Variants in RGS7 observed in about 807,000 individuals in gnomAD.
The protein encoded by RGS7 is regulator of G protein signaling 7.
A neutral mutation model predicts 81.1 loss-of-function variants in RGS7; 27 were observed. The ratio of observed to expected loss-of-function variants is 0.33; its 90% CI spans 0.25 to 0.46. The LOEUF (loss-of-function observed/expected upper bound fraction) is 0.46. Ranked by LOEUF, RGS7 falls within the 20% of genes least tolerant of loss-of-function variation. RGS7 has a pLI of 1.00. For synonymous variants in RGS7, 208 were observed against 207.7 expected, an observed-to-expected ratio of 1.00 and a Z score of -0.01; for missense variants, 396 against 607.4, an observed-to-expected ratio of 0.65 and a Z score of 3.66.
chr1:241,303,716 G>C (rs2079912135), intron 2 of RGS7, among the ~76,000 whole-genome samples: 1 of 151,874 alleles, frequency 6.6e-6, no homozygotes, highest in South Asian at 2.1e-4. Flanking sequence ...CTTTTTTCTG[G>C]CATTTGTTTT....
At chr1:241,232,037 TG>T (rs2075690417) in intron 2 of RGS7, among the ~76,000 whole-genome samples, 1 of 152,224 alleles carries the variant, frequency 6.6e-6, no homozygotes. Context: ...CGCTGCTTTT[TG>T]TATGGATATA....
At chr1:240,841,158 G>A (rs1046778933) in intron 9 of RGS7, among the ~76,000 whole-genome samples, 5 of 152,208 alleles carry the variant, frequency 3.3e-5, no homozygotes, top group African/African-American at 1.2e-4. Context: ...CCCATCAGTT[G>A]ATAAGTGTAA....
At chr1:241,338,496 A>G (rs2082362885) in intron 2 of RGS7, among the ~76,000 whole-genome samples, 1 of 152,166 alleles carries the variant, frequency 6.6e-6, no homozygotes, top group Non-Finnish European at 1.5e-5. Context: ...CAGGGTAAGA[A>G]AATAAGCTCA....
chr1:240,920,291 C>A, intron 6 of RGS7: 1 of 1,369,404 alleles, frequency 7.3e-7, no homozygotes, highest in Non-Finnish European at 1.0e-6. Flanking sequence ...GTGGGAATGA[C>A]AACTTTGGTC....
chr1:240,859,663 T>C (rs1048610581), intron 9 of RGS7, among the ~76,000 whole-genome samples: 3 of 151,984 alleles, frequency 2.0e-5, no homozygotes, highest in African/African-American at 7.2e-5. Context: ...CAAAAAAAGT[T>C]TTGATTTTAT....
rs1156952874 is a variant in RGS7, at chr1:240,859,400, G to T, written c.609+9187C>A. 2.8e-5 allele frequency among the ~76,000 whole-genome samples: 4 copies of T among 144,610 alleles called. No individual in the cohort carries two copies. The South Asian group carries it at 8.8e-4, about 32-fold the overall frequency. 94.9% of individuals were successfully genotyped at this position (144,610 alleles called of 152,430 possible). A position where few individuals can be genotyped will look rare whatever the true frequency, so the allele number is the denominator to read the frequency against. ...CCCATATATATTATCTATTTTCTTG[G>T]TAAGTTTTAGTACATTGTGTTTTTC... On this transcript the variant is annotated intron_variant, in intron 9 of 18. Coordinates refer to ENST00000440928, the MANE Select transcript of RGS7 (RefSeq NM_001364886.1).
At chr1:240,977,031 T>C (rs1684213244) in intron 4 of RGS7, among the ~76,000 whole-genome samples, 1 of 151,546 alleles carries the variant, frequency 6.6e-6, no homozygotes, top group Admixed American at 6.6e-5. Flanking sequence ...TTTATCTATC[T>C]ATCATCTATC....
chr1:240,852,113 C>A (rs1660214302), intron 9 of RGS7, among the ~76,000 whole-genome samples: 1 of 151,476 alleles, frequency 6.6e-6, no homozygotes, highest in African/African-American at 2.4e-5. Flanking sequence ...AAATCTTTTG[C>A]AAAAAAAAGA....
chr1:241,275,528 G>A (rs754038678), intron 2 of RGS7, among the ~76,000 whole-genome samples: 6 of 152,262 alleles, frequency 3.9e-5, no homozygotes, highest in Admixed American at 1.3e-4. Flanking sequence ...GGTAGGAAAC[G>A]TTGGTGACCC....
chr1:240,800,569 C>T, intron 18 of RGS7, 72 bp downstream of exon 18: 1 of 856,944 alleles, frequency 1.2e-6, no homozygotes, highest in South Asian at 1.8e-5. Context: ...ACACACACAG[C>T]AGCATGGAGC....
chr1:240,881,904 C>T (rs1666454521), intron 6 of RGS7, among the ~76,000 whole-genome samples: 1 of 149,652 alleles, frequency 6.7e-6, no homozygotes, highest in Admixed American at 6.9e-5. Flanking sequence ...ACGTTGAATA[C>T]TGGACTATAA....
chr1:240,918,268 A>C (rs191934987), intron 6 of RGS7, among the ~76,000 whole-genome samples: 1 of 152,180 alleles, frequency 6.6e-6, no homozygotes, highest in Non-Finnish European at 1.5e-5. Flanking sequence ...ATGGCCATTT[A>C]TAGAATAATT....
intron 10 of RGS7, among the ~76,000 whole-genome samples, chr1:240,819,607 A>G (rs1438710070): frequency 6.6e-6 from 1 of 152,144 alleles, no homozygotes; most frequent in Non-Finnish European, 1.5e-5. Context: ...GCATGGCGGC[A>G]TGTGCCTGTG....
At chr1:241,121,857 G>A (rs1423945415) in intron 2 of RGS7, among the ~76,000 whole-genome samples, 1 of 151,420 alleles carries the variant, frequency 6.6e-6, no homozygotes, top group Non-Finnish European at 1.5e-5. Context: ...TCAGGTGCGT[G>A]ATACCACACC....
intron 2 of RGS7, among the ~76,000 whole-genome samples, chr1:241,248,969 CCT>C (rs2076699609): frequency 6.6e-6 from 1 of 152,088 alleles, no homozygotes; most frequent in Non-Finnish European, 1.5e-5. Flanking sequence ...AACATTTCGC[CCT>C]GTTTTTAACT....
Position 240,868,138 on chromosome 1 carries a change from GAA to G in RGS7, c.609+447_609+448del, listed in dbSNP as rs1206337168. Among the ~76,000 whole-genome samples the G allele has an allele frequency of 6.5e-5, 8 of 122,248 alleles. No homozygotes were observed. The highest frequency in any genetic ancestry group is 2.5e-4 in the South Asian group (1 of 3,934). The allele number at this position is 122,248 out of a possible 152,430, so 80.2% of individuals were successfully genotyped here. A position where few individuals can be genotyped will look rare whatever the true frequency, so the allele number is the denominator to read the frequency against. ...AAAAGGAAAGAAAGAAAGAAAGAAAGAAAGAAAGAAAGAAAGAAAGGACGGAG... is the reference window on the plus strand; with the variant it reads ...AAAAGGAAAGAAAGAAAGAAAGAAAGAGAAAGAAAGAAAGAAAGGACGGAG... On this transcript the variant is annotated intron_variant, in intron 9 of 18. Coordinates refer to ENST00000440928, the MANE Select transcript of RGS7 (RefSeq NM_001364886.1). The surrounding 1 kb of genome is among the most constrained non-coding windows in gnomAD (Gnocchi z 5.1).
intron 3 of RGS7, among the ~76,000 whole-genome samples, chr1:241,026,583 T>C (rs946292460): frequency 2.4e-4 from 36 of 151,478 alleles, no homozygotes; most frequent in Middle Eastern, 3.4e-3. Flanking sequence ...AGTGAGACTC[T>C]GTCTCAAAAA....
intron 2 of RGS7, among the ~76,000 whole-genome samples, chr1:241,306,312 T>C (rs2080125944): frequency 6.8e-6 from 1 of 147,772 alleles, no homozygotes; most frequent in Admixed American, 6.7e-5. Flanking sequence ...TGTACATATA[T>C]ACCCATGTCC....
chr1:241,260,172 A>G (rs2077257879), intron 2 of RGS7, among the ~76,000 whole-genome samples: 1 of 152,144 alleles, frequency 6.6e-6, no homozygotes, highest in African/African-American at 2.4e-5. Flanking sequence ...CTCTTCTTTG[A>G]GCTCCTACAA....
Sources: gnomAD v4.1 joint callset for allele counts (sites outside exome capture counted in the v4.1 genomes callset) on GRCh38, gnomAD v4.1.1 for gene constraint, Gnocchi (gnomAD v3.1) non-coding constraint, MANE v1.5 for transcripts, NCBI Gene and HGNC (gene_info 2026-07-23, HGNC 2026-07-21) for gene names.